The following FABP6 variants were observed in gnomAD, a reference collection of about 807,000 sequenced individuals.
The protein encoded by FABP6 is fatty acid binding protein 6.
FABP6 carries 13 observed loss-of-function variants against 14.9 expected under a neutral mutation model. The ratio of observed to expected loss-of-function variants is 0.87; its 90% CI spans 0.57 to 1.39. FABP6 has a LOEUF of 1.39. Among genes scored for constraint, FABP6 ranks in the 40% most tolerant of loss-of-function variants. The pLI is 0.00. For missense variants in FABP6, 161 were observed against 167.2 expected, an observed-to-expected ratio of 0.96 and a Z score of 0.20; for synonymous variants, 75 against 63.6, an observed-to-expected ratio of 1.18 and a Z score of -0.85.
upstream of FABP6, chr5:160,228,519 T>C (rs1760300635): frequency 8.8e-6 from 4 of 456,124 alleles, no homozygotes; most frequent in African/African-American, 6.0e-5. Context: ...ACGGAGGAGA[T>C]AGAGTCCCTG....
Position 160,238,586 on chromosome 5 carries a change from G to A in FABP6, c.334-20G>A. On this transcript the variant is annotated intron_variant, in intron 3 of 3. Transcript: ENST00000402432. ...TTGGGGTGGGGCACTGACTCCCTCT[G>A]TCCCGGCTGCTTCTTTCAGGTCTCC... 6.2e-7 allele frequency: 1 copy of A among 1,613,430 alleles called. No individual in the cohort carries two copies. The highest frequency in any genetic ancestry group is 8.5e-7 in the Non-Finnish European group (1 of 1,179,460).
chr5:160,221,139 T>A (rs1393546067), intron 3 of FABP6, among the ~76,000 whole-genome samples: 1 of 150,688 alleles, frequency 6.6e-6, no homozygotes, highest in Admixed American at 6.6e-5. Flanking sequence ...GTACTTGGTA[T>A]TTCCAGAACC....
At chr5:160,224,763 C>T (rs1760205028), upstream of FABP6, among the ~76,000 whole-genome samples, 1 of 150,218 alleles carries the variant, frequency 6.7e-6, no homozygotes, top group South Asian at 2.1e-4. Flanking sequence ...ACTGTCTCTA[C>T]AATAATTTTT....
chr5:160,201,230 T>C (rs1240545370), intron 2 of FABP6, among the ~76,000 whole-genome samples: 1 of 151,684 alleles, frequency 6.6e-6, no homozygotes, highest in African/African-American at 2.4e-5. Context: ...TGGAGGCATG[T>C]AATTGTAGTC....
chr5:160,191,090 GA>G lies in FABP6; in HGVS notation c.-59+3652del, dbSNP rs58261991. 2.8e-3 allele frequency among the ~76,000 whole-genome samples: 361 copies of G among 127,592 alleles called. 2 individuals are homozygous for G. Among genetic ancestry groups the G allele is most frequent in the African/African-American group, 8.2e-3 (276 of 33,594 alleles). 83.7% of individuals were successfully genotyped at this position (127,592 alleles called of 152,430 possible). A position where few individuals can be genotyped will look rare whatever the true frequency, so the allele number is the denominator to read the frequency against. On this transcript the variant is annotated intron_variant, in intron 1 of 6. Coordinates refer to the FABP6 transcript ENST00000393980. ...GGCAACAAGAGCAAGACTCCATCTGGAAAAAAAAAAAAAAAAGCAAATCAGA... is the reference window on the plus strand; with the variant it reads ...GGCAACAAGAGCAAGACTCCATCTGGAAAAAAAAAAAAAAAGCAAATCAGA...
chr5:160,227,259 G>T (rs1760268044), upstream of FABP6, among the ~76,000 whole-genome samples: 1 of 152,172 alleles, frequency 6.6e-6, no homozygotes, highest in Non-Finnish European at 1.5e-5. Flanking sequence ...AAAGGGCTGG[G>T]TGTGGTGGCT....
At chr5:160,222,894 G>A (rs1329815696) in intron 3 of FABP6, among the ~76,000 whole-genome samples, 1 of 152,034 alleles carries the variant, frequency 6.6e-6, no homozygotes, top group African/African-American at 2.4e-5. Context: ...CCCATCCTGG[G>A]GCTTTAGCTC....
chr5:160,219,596 T>A (rs1037887873), intron 3 of FABP6, among the ~76,000 whole-genome samples: 4 of 151,908 alleles, frequency 2.6e-5, no homozygotes, highest in South Asian at 2.1e-4. Context: ...CATGGCTGAG[T>A]CAGTCAGCTG....
At chr5:160,210,886 C>T (rs748904734) in intron 2 of FABP6, among the ~76,000 whole-genome samples, 11 of 152,262 alleles carry the variant, frequency 7.2e-5, no homozygotes, top group Admixed American at 4.6e-4. Context: ...ATGATTTCTG[C>T]GGCTGCCACA....
intron 1 of FABP6, among the ~76,000 whole-genome samples, chr5:160,190,357 C>T (rs145056610): frequency 6.6e-6 from 1 of 152,194 alleles, no homozygotes; most frequent in African/African-American, 2.4e-5. Context: ...CTTAGCCTCC[C>T]GAGTAGCTGG....
At chr5:160,219,195 T>G (rs1760080393) in intron 3 of FABP6, among the ~76,000 whole-genome samples, 2 of 152,064 alleles carry the variant, frequency 1.3e-5, no homozygotes, top group South Asian at 4.1e-4. Context: ...GTCCTGGGGA[T>G]GGAGAGAATA....
intron 3 of FABP6, among the ~76,000 whole-genome samples, chr5:160,214,190 G>T (rs1759964677): frequency 7.0e-6 from 1 of 141,882 alleles, no homozygotes; most frequent in African/African-American, 2.7e-5. Context: ...TTATTACAGG[G>T]TCTCATTCTG....
chr5:160,236,032 T>TC (rs397753950), intron 3 of FABP6, among the ~76,000 whole-genome samples: 1 of 148,384 alleles, frequency 6.7e-6, no homozygotes, highest in Non-Finnish European at 1.5e-5. Context: ...TTTTTTTTTT[T>TC]CGAAACAGAG....
intron 2 of FABP6, among the ~76,000 whole-genome samples, chr5:160,232,547 T>C (rs978097804): frequency 1.3e-5 from 2 of 152,206 alleles, no homozygotes; most frequent in African/African-American, 4.8e-5. Context: ...GTTAATCCTA[T>C]GAAATTGCTA....
At chr5:160,227,114 G>T (rs577927012), upstream of FABP6, among the ~76,000 whole-genome samples, 4 of 152,308 alleles carry the variant, frequency 2.6e-5, no homozygotes, top group African/African-American at 9.6e-5. Context: ...GAATACTCTG[G>T]AGCTGTTGAA....
chr5:160,191,004 G>A (rs1366356541), intron 1 of FABP6, among the ~76,000 whole-genome samples: 1 of 149,506 alleles, frequency 6.7e-6, no homozygotes, highest in African/African-American at 2.5e-5. Context: ...CAGAAGAATC[G>A]CTTGAACCCA....
chr5:160,229,474 A>C (rs547767348), upstream of FABP6: 313 of 1,602,038 alleles, frequency 2.0e-4, no homozygotes, highest in Middle Eastern at 3.6e-3. Context: ...CAACTGGGAG[A>C]GTTTATAAGC....
chr5:160,211,028 A>G (rs1759879638), intron 2 of FABP6, among the ~76,000 whole-genome samples: 1 of 152,074 alleles, frequency 6.6e-6, no homozygotes, highest in African/African-American at 2.4e-5. Flanking sequence ...TTTGGTAGGG[A>G]GATTGCTTGG....
chr5:160,193,295 C>T (rs917709220), intron 1 of FABP6, among the ~76,000 whole-genome samples: 7 of 151,970 alleles, frequency 4.6e-5, no homozygotes, highest in South Asian at 2.1e-4. Flanking sequence ...CTCGTGGTCT[C>T]GCTGGCTTCA....
Sources: gnomAD v4.1 joint callset for allele counts (sites outside exome capture counted in the v4.1 genomes callset) on GRCh38, gnomAD v4.1.1 for gene constraint, MANE v1.5 for transcripts, NCBI Gene and HGNC (gene_info 2026-07-23, HGNC 2026-07-21) for gene names.